The following MDGA2 variants were observed in gnomAD, a reference collection of about 807,000 sequenced individuals.
MDGA2 encodes MAM domain-containing glycosylphosphatidylinositol anchor protein 2.
MDGA2 carries 40 observed loss-of-function variants against 117.8 expected under a neutral mutation model. The ratio of observed to expected loss-of-function variants is 0.34; its 90% CI spans 0.26 to 0.44. MDGA2 has a LOEUF of 0.44. MDGA2 is among the 20% of genes least tolerant of loss of function. The probability of loss-of-function intolerance (pLI) is 1.00; values close to 1 mark genes in which losing one functional copy is unlikely to be tolerated. For missense variants in MDGA2, 1,123 were observed against 1,250.6 expected, an observed-to-expected ratio of 0.90 and a Z score of 1.54; for synonymous variants, 452 against 439.0, an observed-to-expected ratio of 1.03 and a Z score of -0.37.
intron 1 of MDGA2, among the ~76,000 whole-genome samples, chr14:47,628,846 C>T (rs1410885284): frequency 2.0e-5 from 3 of 152,328 alleles, no homozygotes; most frequent in African/African-American, 4.8e-5. Context: ...GAAACTGCTG[C>T]GTTTGAGGAC....
intron 1 of MDGA2, among the ~76,000 whole-genome samples, chr14:47,413,836 CT>C (rs1892422730): frequency 6.6e-6 from 1 of 151,854 alleles, no homozygotes; most frequent in Non-Finnish European, 1.5e-5. Flanking sequence ...AGTGAGTTAG[CT>C]AATCAGCCAT....
intron 2 of MDGA2, among the ~76,000 whole-genome samples, chr14:47,251,007 C>T (rs559730438): frequency 6.6e-6 from 1 of 152,098 alleles, no homozygotes; most frequent in African/African-American, 2.4e-5. Context: ...TCTTTCTTCC[C>T]CTGTGGTCTA....
intron 1 of MDGA2, among the ~76,000 whole-genome samples, chr14:47,411,426 G>A (rs577823785): frequency 1.3e-5 from 2 of 152,128 alleles, no homozygotes; most frequent in Admixed American, 1.3e-4. Context: ...TAGAACTAAG[G>A]CCATTTATGT....
At chr14:47,425,638 A>G (rs950285569) in intron 1 of MDGA2, among the ~76,000 whole-genome samples, 5 of 152,150 alleles carry the variant, frequency 3.3e-5, no homozygotes, top group Admixed American at 1.3e-4. Context: ...TGTAATTTAA[A>G]GGCTACTTTC....
intron 2 of MDGA2, among the ~76,000 whole-genome samples, chr14:47,228,635 G>C (rs1292080825): frequency 6.6e-6 from 1 of 152,012 alleles, no homozygotes; most frequent in African/African-American, 2.4e-5. Flanking sequence ...TGCTTACAAT[G>C]GGTTTATTGG....
intron 1 of MDGA2, among the ~76,000 whole-genome samples, chr14:47,428,321 T>C (rs529468058): frequency 2.6e-5 from 4 of 152,278 alleles, no homozygotes; most frequent in African/African-American, 9.6e-5. Context: ...TTTACTGCAA[T>C]TGTTGCTGTG....
chr14:47,521,268 T>C (rs1594897745), intron 1 of MDGA2, among the ~76,000 whole-genome samples: 1 of 152,266 alleles, frequency 6.6e-6, no homozygotes, highest in African/African-American at 2.4e-5. Flanking sequence ...TTAGATGATA[T>C]CACATGTACT....
At chr14:47,263,938 G>A (rs1887882093) in intron 2 of MDGA2, among the ~76,000 whole-genome samples, 1 of 152,002 alleles carries the variant, frequency 6.6e-6, no homozygotes, top group East Asian at 1.9e-4. Flanking sequence ...TACATCTATG[G>A]AGCAGTACAA....
At chr14:47,019,396 TTTG>T (rs1354773139) in intron 8 of MDGA2, among the ~76,000 whole-genome samples, 1 of 152,172 alleles carries the variant, frequency 6.6e-6, no homozygotes, top group Non-Finnish European at 1.5e-5. Flanking sequence ...CATTGTTATT[TTTG>T]TTGTTGCTGT....
intron 3 of MDGA2, among the ~76,000 whole-genome samples, chr14:47,169,336 A>G (rs1884024226): frequency 6.6e-6 from 1 of 151,898 alleles, no homozygotes; most frequent in Admixed American, 6.6e-5. Flanking sequence ...AATTAATTAT[A>G]CAAGGAATTG....
chr14:47,051,620 A>C (rs1889459945), intron 7 of MDGA2, among the ~76,000 whole-genome samples: 2 of 151,868 alleles, frequency 1.3e-5, no homozygotes, highest in Admixed American at 6.6e-5. Context: ...GGAACCCTTG[A>C]AAGAAAGAGC....
intron 1 of MDGA2, among the ~76,000 whole-genome samples, chr14:47,342,194 C>A (rs1890645191): frequency 6.6e-6 from 1 of 150,482 alleles, no homozygotes; most frequent in African/African-American, 2.4e-5. Context: ...GTTCCTACAT[C>A]GGGATTTTAT....
Position 47,530,658 on chromosome 14 carries a change from AC to A in MDGA2, c.280+143858del, listed in dbSNP as rs559693294. ...GGCATCGCAGGACCAGAAGGCAGTGACCCCCCTGGACCCCCTATCTTGTGTG... is the reference window on the plus strand; with the variant it reads ...GGCATCGCAGGACCAGAAGGCAGTGACCCCCTGGACCCCCTATCTTGTGTG... On this transcript the variant is annotated intron_variant, in intron 1 of 16. Transcript: ENST00000399232. Among the ~76,000 whole-genome samples the A allele has an allele frequency of 2.1e-3, 313 of 151,390 alleles. 1 individual carries two copies. The highest frequency in any genetic ancestry group is 7.0e-3 in the African/African-American group (289 of 41,188).
At chr14:46,977,459 T>A (rs566965375) in intron 8 of MDGA2, among the ~76,000 whole-genome samples, 7 of 151,914 alleles carry the variant, frequency 4.6e-5, no homozygotes, top group South Asian at 2.1e-4. Context: ...TAGTAAGTAA[T>A]CACAATTAGA....
intron 2 of MDGA2, among the ~76,000 whole-genome samples, chr14:47,296,456 T>C (rs1159396083): frequency 6.6e-6 from 1 of 152,124 alleles, no homozygotes; most frequent in Non-Finnish European, 1.5e-5. Context: ...TACAAGAAGA[T>C]AAGCAGCAAA....
intron 14 of MDGA2, 90 bp downstream of exon 14, chr14:46,873,343 C>A (rs1882092006): frequency 1.6e-6 from 2 of 1,212,742 alleles, no homozygotes; most frequent in African/African-American, 1.6e-5. Flanking sequence ...ATTCTTTGAC[C>A]AAAAATTGTT....
At position 47,218,969 on chromosome 14, in the gene MDGA2, A is replaced by G. The variant is rs572422345; in HGVS notation, c.421-774T>C. Among the ~76,000 whole-genome samples, 65 of 152,150 alleles carry G rather than the reference A, an allele frequency of 4.3e-4. 1 individual carries two copies. Among genetic ancestry groups the G allele is most frequent in the African/African-American group, 1.5e-3 (62 of 41,502 alleles). On this transcript the variant is annotated intron_variant, in intron 2 of 16. Coordinates refer to ENST00000399232, the MANE Select transcript of MDGA2 (RefSeq NM_001113498.3). ...TTGCTGGCAATAATGACTGGTATTC[A>G]ACTCAACTTTTGTGTATTTTAGTGT...
At chr14:47,380,459 T>C (rs1891591199) in intron 1 of MDGA2, among the ~76,000 whole-genome samples, 1 of 148,326 alleles carries the variant, frequency 6.7e-6, no homozygotes, top group Admixed American at 6.9e-5. Context: ...ATCAACAAAA[T>C]TGACAGATCA....
At chr14:47,014,031 G>A (rs995794241) in intron 8 of MDGA2, among the ~76,000 whole-genome samples, 2 of 151,704 alleles carry the variant, frequency 1.3e-5, no homozygotes, top group African/African-American at 2.4e-5. Flanking sequence ...CTGACCTCAG[G>A]TGATCTGCCC....
Sources: gnomAD v4.1 joint callset for allele counts (sites outside exome capture counted in the v4.1 genomes callset) on GRCh38, gnomAD v4.1.1 for gene constraint, MANE v1.5 for transcripts, NCBI Gene and HGNC (gene_info 2026-07-23, HGNC 2026-07-21) for gene names.